The following ARSB variants were observed in gnomAD, a reference collection of about 807,000 sequenced individuals.
ARSB encodes the protein N-acetylgalactosamine-4-sulfatase.
Under a neutral mutation model 50.9 loss-of-function variants are expected in ARSB, and 41 were observed. The observed-to-expected ratio is 0.81, with a 90% confidence interval of 0.63 to 1.04. The LOEUF is 1.04. Ranked by LOEUF, ARSB falls within the 50% of genes least tolerant of loss-of-function variation. The probability of loss-of-function intolerance (pLI) is 0.00; values close to 1 mark genes in which losing one functional copy is unlikely to be tolerated. For synonymous variants in ARSB, 269 were observed against 284.8 expected (o/e 0.94, Z 0.56); for missense variants, 672 against 693.3 (o/e 0.97, Z 0.35).
intron 3 of ARSB, among the ~76,000 whole-genome samples, chr5:78,961,086 A>C (rs1203899997): frequency 1.3e-5 from 2 of 152,190 alleles, no homozygotes; most frequent in Non-Finnish European, 1.5e-5. Flanking sequence ...GCTTTTTAAA[A>C]TAGGCACAAT....
chr5:78,864,056 C>T lies in ARSB; in HGVS notation c.1142+21528G>A, dbSNP rs374002323. On this transcript the variant is annotated intron_variant, in intron 5 of 7. Coordinates refer to ENST00000264914, the MANE Select transcript of ARSB (RefSeq NM_000046.5). ...CCTATGACACAAGCAGGAGACAAGG[C>T]CTATTTAAACCCTGGGTGAAGTGAG... Among the ~76,000 whole-genome samples the T allele has an allele frequency of 4.2e-4, 64 of 151,550 alleles. No homozygotes were observed. The South Asian group carries it at 0.013, about 30-fold the overall frequency.
At chr5:78,867,501 T>A (rs2112130557) in intron 5 of ARSB, among the ~76,000 whole-genome samples, 1 of 152,198 alleles carries the variant, frequency 6.6e-6, no homozygotes, top group South Asian at 2.1e-4. Flanking sequence ...CACAAGTGGG[T>A]CCCTGACCCC....
At chr5:78,790,962 T>C (rs1021112661) in intron 6 of ARSB, among the ~76,000 whole-genome samples, 8 of 152,252 alleles carry the variant, frequency 5.3e-5, no homozygotes, top group Admixed American at 2.0e-4. Context: ...TTTACCACTT[T>C]TAGTCTGTAG....
intron 4 of ARSB, among the ~76,000 whole-genome samples, chr5:78,936,349 C>G (rs1372551365): frequency 6.6e-6 from 1 of 151,462 alleles, no homozygotes; most frequent in Non-Finnish European, 1.5e-5. Flanking sequence ...GTCTCGAACT[C>G]CTGACCTCAA....
intron 6 of ARSB, among the ~76,000 whole-genome samples, chr5:78,782,441 A>G (rs1748954238): frequency 6.6e-6 from 1 of 152,214 alleles, no homozygotes; most frequent in Non-Finnish European, 1.5e-5. Flanking sequence ...ATAGAGTACA[A>G]AGACTTATTT....
intron 5 of ARSB, among the ~76,000 whole-genome samples, chr5:78,852,090 T>C (rs1474436204): frequency 6.6e-6 from 1 of 152,244 alleles, no homozygotes; most frequent in Non-Finnish European, 1.5e-5. Flanking sequence ...TGTGTGAATT[T>C]GATCTTGTCA....
In ARSB at chr5:78,885,781, T is replaced by C. The variant is rs200770991; in HGVS notation, c.945A>G (p.Arg315=). The C allele has an allele frequency of 1.2e-6, 2 of 1,614,140 alleles. No homozygotes were observed. The highest frequency in any genetic ancestry group is 4.5e-5 in the East Asian group (2 of 44,872). Residue 315 remains arginine, a synonymous_variant, in exon 5 of 8, where the codon CGA becomes CGG. Coordinates refer to ENST00000264914, the MANE Select transcript of ARSB (RefSeq NM_000046.5). ...CTTCCCACAGGCTCCATTTTCTTCC[T>C]CGAAGGGGCCAGTTATTACCCCCTG... is the stretch of plus-strand genomic sequence containing the variant. ...TLAGGNNWPL[R]GRKWSLWEGG...
chr5:78,863,349 A>T (rs1746545013), intron 5 of ARSB, among the ~76,000 whole-genome samples: 1 of 152,200 alleles, frequency 6.6e-6, no homozygotes, highest in South Asian at 2.1e-4. Context: ...GAAGACTTGG[A>T]ATCAACTCAC....
intron 5 of ARSB, among the ~76,000 whole-genome samples, chr5:78,881,590 T>C (rs1293763269): frequency 6.6e-6 from 1 of 152,176 alleles, no homozygotes; most frequent in African/African-American, 2.4e-5. Context: ...AAGTTAAATA[T>C]TAATCTCCAT....
At position 78,783,870 on chromosome 5, in the gene ARSB, T is replaced by C. The variant is rs73770022; in HGVS notation, c.1214-1896A>G. 3.6e-3 allele frequency among the ~76,000 whole-genome samples: 550 copies of C among 152,332 alleles called. 4 individuals are homozygous for C. The highest frequency in any genetic ancestry group is 0.013 in the African/African-American group (526 of 41,568). ...CCTAAGACTAAACTATGAAAGATAC[T>C]ATTATCTTGACTTTATTGTTTTCAT... On this transcript the variant is annotated intron_variant, in intron 6 of 7. Coordinates refer to ENST00000264914, the MANE Select transcript of ARSB (RefSeq NM_000046.5).
At chr5:78,980,724 A>G (rs1752864847) in intron 1 of ARSB, among the ~76,000 whole-genome samples, 1 of 84,608 alleles carries the variant, frequency 1.2e-5, no homozygotes, top group African/African-American at 4.6e-5. Context: ...ATGTCTAAGG[A>G]AGTGTGTGTA....
At chr5:78,935,468 C>T (rs1750533435) in intron 4 of ARSB, among the ~76,000 whole-genome samples, 1 of 152,142 alleles carries the variant, frequency 6.6e-6, no homozygotes, top group Admixed American at 6.5e-5. Flanking sequence ...CTACTGTTTC[C>T]CAGGGCCTAG....
intron 6 of ARSB, among the ~76,000 whole-genome samples, chr5:78,797,386 A>G (rs1743225448): frequency 6.6e-6 from 1 of 152,184 alleles, no homozygotes; most frequent in South Asian, 2.1e-4. Flanking sequence ...CCAGAATCTT[A>G]TCTCTAACCC....
intron 6 of ARSB, among the ~76,000 whole-genome samples, chr5:78,837,420 G>T (rs1025845934): frequency 6.6e-6 from 1 of 152,186 alleles, no homozygotes; most frequent in Non-Finnish European, 1.5e-5. Context: ...CTGGGGTAGA[G>T]AAAAGTTTAG....
intron 6 of ARSB, among the ~76,000 whole-genome samples, chr5:78,835,524 C>T (rs957577593): frequency 4.6e-5 from 7 of 152,076 alleles, no homozygotes; most frequent in South Asian, 2.1e-4. Flanking sequence ...GGTGATGTTT[C>T]GGAACGGAAA....
intron 6 of ARSB, among the ~76,000 whole-genome samples, chr5:78,792,971 G>C (rs902300378): frequency 6.6e-6 from 1 of 152,178 alleles, no homozygotes; most frequent in East Asian, 1.9e-4. Context: ...CCACACTACA[G>C]GTCTGGCCAG....
At chr5:78,794,533 T>C (rs1743111929) in intron 6 of ARSB, among the ~76,000 whole-genome samples, 1 of 151,572 alleles carries the variant, frequency 6.6e-6, no homozygotes, top group African/African-American at 2.4e-5. Context: ...ACAGGACCGA[T>C]AAGGGAGGCA....
At chr5:78,911,446 C>T (rs10942880) in intron 4 of ARSB, among the ~76,000 whole-genome samples, 10 of 151,112 alleles carry the variant, frequency 6.6e-5, no homozygotes, top group South Asian at 2.1e-4. Flanking sequence ...TGGTGGTGCA[C>T]GCCTGTAATT....
intron 5 of ARSB, among the ~76,000 whole-genome samples, chr5:78,871,114 T>G (rs367882156): frequency 0.14 from 20,307 of 148,032 alleles, 1,457 homozygotes; most frequent in Middle Eastern, 0.19. Flanking sequence ...ACAAGGGATG[T>G]GAAGGACCTC....
Sources: allele counts gnomAD v4.1 joint callset (sites outside exome capture counted in the v4.1 genomes callset), GRCh38; gene constraint gnomAD v4.1.1; transcripts MANE v1.5; gene names NCBI Gene and HGNC (gene_info 2026-07-23, HGNC 2026-07-21).